Variants in ICA1 observed in about 807,000 individuals in gnomAD.
ICA1 encodes the protein islet cell autoantigen 1, also known as 69 kDa islet cell autoantigen.
Under a neutral mutation model 71.0 loss-of-function variants are expected in ICA1, and 40 were observed. The ratio of observed to expected loss-of-function variants is 0.56; its 90% confidence interval spans 0.44 to 0.73. The LOEUF (loss-of-function observed/expected upper bound fraction) is 0.73. ICA1 is among the 30% of genes least tolerant of loss of function. The probability of loss-of-function intolerance (pLI) is 0.00; values close to 1 mark genes in which losing one functional copy is unlikely to be tolerated. For missense variants in ICA1, 578 were observed against 576.5 expected, an observed-to-expected ratio of 1.00 and a Z score of -0.03; for synonymous variants, 207 against 209.5, an observed-to-expected ratio of 0.99 and a Z score of 0.10.
rs752263705 is a variant in ICA1, at chr7:8,143,988, T to C, written c.805-16A>G. The C allele has an allele frequency of 9.3e-6, 12 of 1,287,954 alleles. No homozygotes were observed. The highest frequency in any genetic ancestry group is 1.9e-4 in the Middle Eastern group (1 of 5,256). The allele number at this position is 1,287,954 out of a possible 1,614,324, so 79.8% of individuals were successfully genotyped here. A position where few individuals can be genotyped will look rare whatever the true frequency, so the allele number is the denominator to read the frequency against. On this transcript the variant is annotated splice_polypyrimidine_tract_variant and intron_variant, in intron 8 of 13. Transcript: ENST00000402384. ...CTTGTAAGCTCTTGATCACGAGCCA[T>C]AGAAAAATGAAAAAGAAAAAAAAAG...
chr7:8,261,603 A>G lies in ICA1; in HGVS notation c.-80+491T>C, dbSNP rs566669767. On this transcript the variant is annotated intron_variant, in intron 1 of 13. Coordinates refer to ENST00000402384, the MANE Select transcript of ICA1 (RefSeq NM_001136020.3). ...TGCTCTCTGCCGCCCCTGCCAAAAA[A>G]AGGGCCACGGAGGGGAAGAGAAAAA... is the stretch of plus-strand genomic sequence containing the variant. 1.4e-3 allele frequency among the ~76,000 whole-genome samples: 218 copies of G among 152,308 alleles called. 1 individual carries two copies. The highest frequency in any genetic ancestry group is 5.0e-3 in the African/African-American group (206 of 41,572).
chr7:8,163,332 G>A (rs1804617401), intron 6 of ICA1, among the ~76,000 whole-genome samples: 1 of 152,200 alleles, frequency 6.6e-6, no homozygotes, highest in Non-Finnish European at 1.5e-5. Context: ...TAATATGACA[G>A]TAGTTTTGCA....
rs558984429 is a variant in ICA1 at position 8,185,088 on chromosome 7, A to T, written c.580-26436T>A. 5.3e-5 allele frequency among the ~76,000 whole-genome samples: 8 copies of T among 152,274 alleles called. 1 individual carries two copies. The South Asian group carries it at 1.7e-3, about 32-fold the overall frequency. The stretch of plus-strand genomic sequence containing the variant: ...GACTATGTCTCAAAAAAGAAAAAAA[A>T]AAAGGAAAAAAGGAAATGAGAGATA... On this transcript the variant is annotated intron_variant, in intron 6 of 13. Transcript: ENST00000402384.
intron 6 of ICA1, among the ~76,000 whole-genome samples, chr7:8,165,966 C>T (rs907513090): frequency 5.9e-5 from 9 of 152,158 alleles, no homozygotes; most frequent in Non-Finnish European, 8.8e-5. Flanking sequence ...AGGTTCAATG[C>T]TATTCCTATA....
chr7:8,175,528 TC>T (rs56957863), intron 6 of ICA1, among the ~76,000 whole-genome samples: 25,781 of 152,034 alleles, frequency 0.17, 2,576 homozygotes, highest in African/African-American at 0.28. Flanking sequence ...AGGGTTTTTT[TC>T]TTTATATCCA....
At chr7:8,136,248 C>G (rs1209135866) in intron 12 of ICA1, among the ~76,000 whole-genome samples, 1 of 152,136 alleles carries the variant, frequency 6.6e-6, no homozygotes, top group Admixed American at 6.5e-5. Flanking sequence ...CATTACTTGT[C>G]TAACAGAATT....
intron 5 of ICA1, among the ~76,000 whole-genome samples, chr7:8,220,250 G>A (rs946162599): frequency 1.3e-5 from 2 of 152,144 alleles, no homozygotes; most frequent in Non-Finnish European, 2.9e-5. Context: ...CAAAGTCAGG[G>A]TCCAAATGTC....
At chr7:8,141,174 A>G (rs530596625) in intron 10 of ICA1, among the ~76,000 whole-genome samples, 1 of 152,356 alleles carries the variant, frequency 6.6e-6, no homozygotes, top group Admixed American at 6.5e-5. Context: ...CAGTAACAGC[A>G]GGAGACAGAA....
At chr7:8,186,736 A>C (rs1012046381) in intron 6 of ICA1, among the ~76,000 whole-genome samples, 1 of 152,210 alleles carries the variant, frequency 6.6e-6, no homozygotes, top group African/African-American at 2.4e-5. Flanking sequence ...TCACAAGTGT[A>C]CTTTCATGCA....
intron 4 of ICA1, 50 bp from the exon 5 acceptor site, chr7:8,221,448 G>A (rs41282700): frequency 0.058 from 93,195 of 1,599,710 alleles, 3,131 homozygotes; most frequent in Non-Finnish European, 0.067. Flanking sequence ...CATTTTGATT[G>A]CAAAGGGAAC....
chr7:8,119,714 C>T (rs762835668), intron 13 of ICA1, among the ~76,000 whole-genome samples: 35 of 152,176 alleles, frequency 2.3e-4, no homozygotes, highest in Middle Eastern at 6.8e-3. Flanking sequence ...GGTGTGGTGG[C>T]GGGCACCTGT....
At position 8,128,118 on chromosome 7, in the gene ICA1, G is replaced by T. The variant is rs1337133483; in HGVS notation, c.1085C>A (p.Thr362Asn). Residue 362 changes from threonine (T) to asparagine (N), a missense_variant, in exon 13 of 14, where the codon ACC becomes AAC. Coordinates refer to ENST00000402384, the MANE Select transcript of ICA1 (RefSeq NM_001136020.3). ...EGACLGPVAG[T>N]PEPEGADKDD... The stretch of plus-strand genomic sequence containing the variant: ...TTTGTCAGCACCTTCAGGTTCCGGG[G>T]TCCCTGCCACTGGTCCCAGGCAAGC... 1.2e-6 allele frequency: 2 copies of T among 1,614,134 alleles called. No individual in the cohort carries two copies. Among genetic ancestry groups the T allele is most frequent in the Non-Finnish European group, 1.7e-6 (2 of 1,179,998 alleles).
At chr7:8,165,082 A>G (rs1805411559) in intron 6 of ICA1, among the ~76,000 whole-genome samples, 1 of 152,142 alleles carries the variant, frequency 6.6e-6, no homozygotes, top group African/African-American at 2.4e-5. Flanking sequence ...CCCTGTCTCA[A>G]AAACAAACAA....
In ICA1 at chr7:8,226,998, T is replaced by G. The variant is rs1798789533; in HGVS notation, c.256+1603A>C. 6.6e-6 allele frequency among the ~76,000 whole-genome samples: 1 copy of G among 152,196 alleles called. No homozygotes were observed. The highest frequency in any genetic ancestry group is 2.1e-4 in the South Asian group (1 of 4,828). ...AAGCATCCTTCTTTTCTTCCCTTGTTACAATATATATTGTTTAATGAAAAG... is the reference window on the plus strand; with the variant it reads ...AAGCATCCTTCTTTTCTTCCCTTGTGACAATATATATTGTTTAATGAAAAG... On this transcript the variant is annotated intron_variant, in intron 4 of 13. Coordinates refer to ENST00000402384, the MANE Select transcript of ICA1 (RefSeq NM_001136020.3). The surrounding 1 kb of genome is among the most constrained non-coding windows in gnomAD (Gnocchi z 4.4).
At chr7:8,190,501 G>A (rs938196663) in intron 6 of ICA1, among the ~76,000 whole-genome samples, 1 of 152,150 alleles carries the variant, frequency 6.6e-6, no homozygotes, top group African/African-American at 2.4e-5. Flanking sequence ...AGCTCTTCTG[G>A]ACTTAATGAA....
At chr7:8,235,806 T>C (rs1402709248) in intron 2 of ICA1, 104 bp downstream of exon 2, 3 of 1,201,216 alleles carry the variant, frequency 2.5e-6, no homozygotes, top group African/African-American at 1.5e-5. Context: ...AACATGATAC[T>C]TACTGCCAAT....
At chr7:8,120,181 G>A (rs938542322) in intron 13 of ICA1, among the ~76,000 whole-genome samples, 8 of 152,092 alleles carry the variant, frequency 5.3e-5, no homozygotes, top group Non-Finnish European at 1.0e-4. Context: ...CCCTTTCCCC[G>A]TAGTGTGAGG....
intron 6 of ICA1, among the ~76,000 whole-genome samples, chr7:8,207,642 A>C (rs1423295307): frequency 6.6e-6 from 1 of 152,234 alleles, no homozygotes; most frequent in Non-Finnish European, 1.5e-5. Context: ...GGTAAGTGGG[A>C]TGAAAGTGGC....
intron 1 of ICA1, among the ~76,000 whole-genome samples, chr7:8,250,494 T>G (rs1023603641): frequency 6.6e-5 from 10 of 152,130 alleles, no homozygotes; most frequent in African/African-American, 9.7e-5. Context: ...TAATGGGTGT[T>G]TTTCCTACCT....
Sources: gnomAD v4.1 joint callset for allele counts (sites outside exome capture counted in the v4.1 genomes callset) on GRCh38, gnomAD v4.1.1 for gene constraint, Gnocchi (gnomAD v3.1) non-coding constraint, MANE v1.5 for transcripts, NCBI Gene and HGNC (gene_info 2026-07-23, HGNC 2026-07-21) for gene names.